PTK2: variants seen among roughly 807,000 people sequenced by gnomAD.
The protein encoded by PTK2 is focal adhesion kinase 1.
A neutral mutation model predicts 150.1 loss-of-function variants in PTK2; 45 were observed. The observed-to-expected ratio is 0.30, with a 90% confidence interval of 0.24 to 0.38. The LOEUF is 0.38. PTK2 is among the 10% of genes least tolerant of loss of function. The pLI, the probability that PTK2 is intolerant of heterozygous loss-of-function variation, is 1.00. For missense variants in PTK2, 919 were observed against 1,307.3 expected, an observed-to-expected ratio of 0.70 and a Z score of 4.58; for synonymous variants, 432 against 449.2, an observed-to-expected ratio of 0.96 and a Z score of 0.48.
chr8:140,661,254 C>T (rs552839885), intron 31 of PTK2, among the ~76,000 whole-genome samples: 20 of 152,164 alleles, frequency 1.3e-4, no homozygotes, highest in Admixed American at 1.0e-3. Context: ...TGGCTCTTGG[C>T]GGCAATGTGG....
At chr8:140,880,912 T>A (rs554893257) in intron 3 of PTK2, among the ~76,000 whole-genome samples, 1 of 152,162 alleles carries the variant, frequency 6.6e-6, no homozygotes, top group African/African-American at 2.4e-5. Context: ...AGTGGTAGAG[T>A]CAATCTCTCT....
intron 7 of PTK2, among the ~76,000 whole-genome samples, chr8:140,833,238 T>G (rs1299281907): frequency 6.6e-6 from 1 of 152,178 alleles, no homozygotes; most frequent in African/African-American, 2.4e-5. Flanking sequence ...TTCTTAAACT[T>G]CTTTTGACTA....
intron 4 of PTK2, among the ~76,000 whole-genome samples, chr8:140,877,106 C>T (rs1356009036): frequency 1.4e-5 from 2 of 143,056 alleles, no homozygotes; most frequent in African/African-American, 5.3e-5. Flanking sequence ...GATCTCGGCT[C>T]ACTGCAACCT....
chr8:140,991,274 G>A (rs2100195612), intron 1 of PTK2, among the ~76,000 whole-genome samples: 1 of 152,242 alleles, frequency 6.6e-6, no homozygotes, highest in Admixed American at 6.5e-5. Flanking sequence ...GTTATTATAT[G>A]CTAGCCAATT....
chr8:140,700,986 C>T (rs754955242), exon 26 of PTK2: 10 of 1,614,090 alleles, frequency 6.2e-6, no homozygotes, highest in Non-Finnish European at 8.5e-6. Context: ...GTTGGCAACA[C>T]TTGCCCAATC....
chr8:140,927,973 A>ATATAT (rs1257108435), intron 1 of PTK2, among the ~76,000 whole-genome samples: 3,111 of 71,758 alleles, frequency 0.043, 29 homozygotes, highest in Non-Finnish European at 0.051. Context: ...AAAAAAAAAA[A>ATATAT]AAATATATAT....
At chr8:140,864,459 T>A in intron 4 of PTK2, 60 bp from the exon 5 acceptor site, 1 of 990,358 alleles carries the variant, frequency 1.0e-6, no homozygotes, top group Non-Finnish European at 1.5e-6. Flanking sequence ...ATTTACAGTC[T>A]ACAATTATAA....
Position 140,979,686 on chromosome 8 carries a change from C to T in PTK2, c.-122+21439G>A, listed in dbSNP as rs142410681. ...AATTCCTATGTGTTGTGGCAGGGAC[C>T]GGTGGGAGGTAACTGAATCATAAGG... On this transcript the variant is annotated intron_variant, in intron 1 of 31. Transcript: ENST00000522684. 7.3e-3 allele frequency among the ~76,000 whole-genome samples: 1,112 copies of T among 152,174 alleles called. 6 individuals are homozygous for T. The highest frequency in any genetic ancestry group is 0.017 in the African/African-American group (697 of 41,522).
At chr8:140,969,163 C>A (rs10875459) in intron 1 of PTK2, among the ~76,000 whole-genome samples, 137,009 of 152,154 alleles carry the variant, frequency 0.9, 63,054 homozygotes, top group Non-Finnish European at 1. Flanking sequence ...ACCACCACCA[C>A]ATCAGCATAT....
intron 5 of PTK2, among the ~76,000 whole-genome samples, 160 bp downstream of exon 5, chr8:140,864,152 A>T (rs552056020): frequency 6.6e-6 from 1 of 152,354 alleles, no homozygotes; most frequent in Admixed American, 6.5e-5. Flanking sequence ...AGAACAAAAA[A>T]ATTAATAATT....
At chr8:140,789,567 C>T (rs750357553) in intron 13 of PTK2, 41 bp from the exon 14 acceptor site, 4 of 1,595,068 alleles carry the variant, frequency 2.5e-6, no homozygotes, top group Admixed American at 3.5e-5. Flanking sequence ...CTGCAATTTC[C>T]CCAGGACCCC....
intron 22 of PTK2, among the ~76,000 whole-genome samples, chr8:140,734,323 T>C (rs2100051280): frequency 6.6e-6 from 1 of 152,248 alleles, no homozygotes. Context: ...CATGCCTATG[T>C]GTTATATTAC....
At chr8:140,981,149 G>A (rs1423492628) in intron 1 of PTK2, among the ~76,000 whole-genome samples, 1 of 150,776 alleles carries the variant, frequency 6.6e-6, no homozygotes, top group Non-Finnish European at 1.5e-5. Context: ...ATCATTCAAT[G>A]ACCACTGTTT....
intron 21 of PTK2, among the ~76,000 whole-genome samples, chr8:140,736,716 C>T (rs182600248): frequency 6.6e-5 from 10 of 152,232 alleles, no homozygotes; most frequent in African/African-American, 2.2e-4. Flanking sequence ...CTGTGGAACA[C>T]GCCAAAAACA....
At chr8:140,960,610 C>G (rs2100182810) in intron 1 of PTK2, among the ~76,000 whole-genome samples, 1 of 152,228 alleles carries the variant, frequency 6.6e-6, no homozygotes, top group South Asian at 2.1e-4. Context: ...TGATCTCATA[C>G]TGAATGACTT....
intron 1 of PTK2, among the ~76,000 whole-genome samples, chr8:140,926,532 C>G (rs1281790248): frequency 1.3e-5 from 2 of 152,146 alleles, no homozygotes; most frequent in Non-Finnish European, 2.9e-5. Context: ...GCTCTTATCC[C>G]CATGCAACAC....
rs567133169 is a variant in PTK2, at chr8:140,716,349, C to T, written c.2142+1249G>A. ...ATGAAGGGCCTCAGATGCTGGGATG[C>T]GGGGTACGTGCTAGTTTTTTCTGTG... On this transcript the variant is annotated intron_variant, in intron 23 of 31. Coordinates refer to ENST00000522684, the Ensembl canonical transcript of PTK2. Among the ~76,000 whole-genome samples the T allele has an allele frequency of 5.3e-5, 8 of 151,886 alleles. No individual in the cohort carries two copies. In the East Asian group the frequency reaches 1.4e-3, roughly 26 times the overall value.
At chr8:140,897,361 T>C (rs1236575861) in intron 2 of PTK2, among the ~76,000 whole-genome samples, 1 of 152,122 alleles carries the variant, frequency 6.6e-6, no homozygotes, top group Non-Finnish European at 1.5e-5. Context: ...CTTTCAGAAC[T>C]TACCAAAAGA....
intron 1 of PTK2, among the ~76,000 whole-genome samples, chr8:140,976,504 A>G (rs558799986): frequency 6.6e-6 from 1 of 152,380 alleles, no homozygotes; most frequent in East Asian, 1.9e-4. Context: ...ACACAAAATT[A>G]AACAGCTTAA....
Sources: allele counts gnomAD v4.1 joint callset (sites outside exome capture counted in the v4.1 genomes callset), GRCh38; gene constraint gnomAD v4.1.1; transcripts MANE v1.5; gene names NCBI Gene and HGNC (gene_info 2026-07-23, HGNC 2026-07-21).